Variants in PCDHA13 observed in about 807,000 individuals in gnomAD.
The protein encoded by PCDHA13 is protocadherin alpha-13.
PCDHA13 carries 54 observed loss-of-function variants against 64.8 expected under a neutral mutation model. The ratio of observed to expected loss-of-function variants is 0.83; its 90% CI spans 0.67 to 1.04. PCDHA13 has a LOEUF of 1.04. Ranked by LOEUF, PCDHA13 falls within the 50% of genes least tolerant of loss-of-function variation. PCDHA13 has a pLI of 0.00. For synonymous variants in PCDHA13, 587 were observed against 564.4 expected, an observed-to-expected ratio of 1.04 and a Z score of -0.57; for missense variants, 1,248 against 1,254.3, an observed-to-expected ratio of 0.99 and a Z score of 0.08.
At chr5:140,955,381 T>TG (rs782287731) in intron 1 of PCDHA13, among the ~76,000 whole-genome samples, 4 of 152,136 alleles carry the variant, frequency 2.6e-5, no homozygotes, top group Non-Finnish European at 5.9e-5. Context: ...AATTGAATCA[T>TG]GGGGGCAATT....
chr5:140,967,379 A>G (rs1554229509), intron 1 of PCDHA13: 2 of 1,608,268 alleles, frequency 1.2e-6, no homozygotes, highest in East Asian at 2.2e-5. Flanking sequence ...GGAGAACAGT[A>G]AAGTGCTTGA....
At chr5:140,958,515 A>G (rs1217324801) in intron 1 of PCDHA13, among the ~76,000 whole-genome samples, 1 of 152,150 alleles carries the variant, frequency 6.6e-6, no homozygotes, top group Non-Finnish European at 1.5e-5. Flanking sequence ...TGGCTGTCCA[A>G]TATATACTAT....
intron 1 of PCDHA13, among the ~76,000 whole-genome samples, chr5:140,957,344 G>A (rs994510401): frequency 5.9e-5 from 9 of 152,114 alleles, no homozygotes; most frequent in Non-Finnish European, 1.2e-4. Context: ...TATTTTGAGA[G>A]AGAGACCACA....
rs1554262827 is a variant in PCDHA13 at position 141,010,253 on chromosome 5, C to A, written c.*316C>A. The A allele has an allele frequency of 3.2e-6, 5 of 1,551,834 alleles. No homozygotes were observed. The highest frequency in any genetic ancestry group is 1.7e-4 in the Middle Eastern group (1 of 5,990). On this transcript the variant is annotated 3_prime_UTR_variant, in exon 4 of 4. Transcript: ENST00000289272. ...CGCCAGTGAGAGGTTGGACTCTCTG[C>A]CCTGTGCTCCGGGGATCCTGTCTTG...
At chr5:140,931,396 G>C (rs1554208395) in intron 1 of PCDHA13, among the ~76,000 whole-genome samples, 1 of 152,000 alleles carries the variant, frequency 6.6e-6, no homozygotes, top group Non-Finnish European at 1.5e-5. Flanking sequence ...ATAAGTAAGC[G>C]ATAGGAAGGC....
chr5:140,957,159 C>G (rs2095337596), intron 1 of PCDHA13, among the ~76,000 whole-genome samples: 1 of 151,974 alleles, frequency 6.6e-6, no homozygotes, highest in Non-Finnish European at 1.5e-5. Flanking sequence ...GGAGACAAAT[C>G]TAAGTATATA....
chr5:140,927,204 G>A, intron 1 of PCDHA13: 1 of 1,614,112 alleles, frequency 6.2e-7, no homozygotes, highest in Non-Finnish European at 8.5e-7. Context: ...TCGAGGACCC[G>A]CTGGAGCTGC....
chr5:140,904,685 G>A (rs2071317723), intron 1 of PCDHA13, among the ~76,000 whole-genome samples: 1 of 152,104 alleles, frequency 6.6e-6, no homozygotes, highest in African/African-American at 2.4e-5. Context: ...CCCACCAGCA[G>A]TGTAAAATTG....
At chr5:140,976,403 TA>T (rs1469780321) in intron 1 of PCDHA13, among the ~76,000 whole-genome samples, 1 of 151,936 alleles carries the variant, frequency 6.6e-6, no homozygotes, top group Non-Finnish European at 1.5e-5. Flanking sequence ...ATTCAAAAAT[TA>T]GCCAGGTACG....
intron 1 of PCDHA13, among the ~76,000 whole-genome samples, chr5:140,954,144 A>G (rs560378033): frequency 2.0e-5 from 3 of 152,232 alleles, no homozygotes; most frequent in Non-Finnish European, 4.4e-5. Flanking sequence ...ATAGTATTCC[A>G]TGGTGTATAT....
chr5:140,982,286 A>C, intron 2 of PCDHA13, 189 bp from the exon 3 acceptor site: 1 of 1,075,236 alleles, frequency 9.3e-7, no homozygotes, highest in Non-Finnish European at 1.3e-6. Flanking sequence ...GCAGGCAATA[A>C]GTAAGTCAGC....
chr5:140,948,912 C>A (rs1038670333), intron 1 of PCDHA13, among the ~76,000 whole-genome samples: 1 of 150,924 alleles, frequency 6.6e-6, no homozygotes, highest in Non-Finnish European at 1.5e-5. Context: ...TCTTAGGTAA[C>A]TGATTAGGTA....
At chr5:140,929,013 G>A in intron 1 of PCDHA13, 1 of 1,614,120 alleles carries the variant, frequency 6.2e-7, no homozygotes, top group South Asian at 1.1e-5. Context: ...GTACCAAGTT[G>A]CACCAGAGCC....
At chr5:140,894,569 CT>C (rs556288790) in intron 1 of PCDHA13, among the ~76,000 whole-genome samples, 1 of 151,328 alleles carries the variant, frequency 6.6e-6, no homozygotes, top group Non-Finnish European at 1.5e-5. Flanking sequence ...AATTATTTTC[CT>C]TTTTTTTAAT....
intron 1 of PCDHA13, among the ~76,000 whole-genome samples, chr5:140,957,828 G>A (rs554121251): frequency 6.0e-5 from 9 of 150,668 alleles, no homozygotes; most frequent in Non-Finnish European, 1.2e-4. Context: ...AAGAGAAAGT[G>A]TTAATTGATT....
At chr5:140,960,306 A>G (rs1554224657) in intron 1 of PCDHA13, among the ~76,000 whole-genome samples, 1 of 152,136 alleles carries the variant, frequency 6.6e-6, no homozygotes, top group African/African-American at 2.4e-5. Context: ...ATCAATACCA[A>G]CCTCATTAGG....
chr5:140,929,465 A>G (rs2086179280), intron 1 of PCDHA13: 1 of 1,322,058 alleles, frequency 7.6e-7, no homozygotes, highest in African/African-American at 1.5e-5. Flanking sequence ...CTGTGCCAAG[A>G]AATCTGGAAG....
chr5:140,912,227 C>T (rs1422799663), intron 1 of PCDHA13, among the ~76,000 whole-genome samples: 1 of 151,784 alleles, frequency 6.6e-6, no homozygotes, highest in Non-Finnish European at 1.5e-5. Flanking sequence ...TTTCCCAGTC[C>T]ACTGACTCAA....
At chr5:140,919,716 A>G (rs1166757941) in intron 1 of PCDHA13, among the ~76,000 whole-genome samples, 1 of 152,214 alleles carries the variant, frequency 6.6e-6, no homozygotes, top group East Asian at 1.9e-4. Flanking sequence ...CTAGTGAGAT[A>G]TAAATATGTT....
Sources: allele counts gnomAD v4.1 joint callset (sites outside exome capture counted in the v4.1 genomes callset), GRCh38; gene constraint gnomAD v4.1.1; transcripts MANE v1.5; gene names NCBI Gene and HGNC (gene_info 2026-07-23, HGNC 2026-07-21).